Variants in DIAPH3 observed in about 807,000 individuals in gnomAD.
DIAPH3 encodes the protein diaphanous related formin 3, also known as protein diaphanous homolog 3.
Under a neutral mutation model 144.3 loss-of-function variants are expected in DIAPH3, and 117 were observed. The observed-to-expected ratio is 0.81, with a 90% CI of 0.70 to 0.95. The LOEUF is 0.95. Among genes scored for constraint, DIAPH3 ranks in the 40% least tolerant of loss-of-function variants. The pLI, the probability that DIAPH3 is intolerant of heterozygous loss-of-function variation, is 0.00. For synonymous variants in DIAPH3, 519 were observed against 488.9 expected (o/e 1.06, Z -0.81); for missense variants, 1,421 against 1,412.7 (o/e 1.01, Z -0.09).
chr13:59,907,686 A>T (rs1193692113), intron 20 of DIAPH3, among the ~76,000 whole-genome samples: 1 of 152,226 alleles, frequency 6.6e-6, no homozygotes, highest in African/African-American at 2.4e-5. Flanking sequence ...AAATGAGTGC[A>T]TGTCCAGTGA....
chr13:60,084,479 T>TA (rs796614353), intron 4 of DIAPH3, among the ~76,000 whole-genome samples: 7 of 150,362 alleles, frequency 4.7e-5, no homozygotes, highest in African/African-American at 7.4e-5. Flanking sequence ...TAAATAAAAA[T>TA]AAAAAAAAGA....
At chr13:60,045,026 A>C (rs1047443267) in intron 4 of DIAPH3, among the ~76,000 whole-genome samples, 6 of 152,190 alleles carry the variant, frequency 3.9e-5, no homozygotes, top group African/African-American at 9.6e-5. Context: ...CTGTGAGTAC[A>C]TTAAACCTTT....
At chr13:59,713,658 C>T (rs1175518559) in intron 27 of DIAPH3, among the ~76,000 whole-genome samples, 2 of 151,640 alleles carry the variant, frequency 1.3e-5, no homozygotes, top group Admixed American at 1.3e-4. Flanking sequence ...AGGTAAGAAG[C>T]TTTTTTGATG....
chr13:59,813,441 G>C (rs935368887), intron 24 of DIAPH3, among the ~76,000 whole-genome samples: 1 of 151,990 alleles, frequency 6.6e-6, no homozygotes, highest in Non-Finnish European at 1.5e-5. Context: ...AATAAAAGTA[G>C]TAAGAGGCAG....
At chr13:59,850,106 T>C (rs1405125493) in intron 22 of DIAPH3, among the ~76,000 whole-genome samples, 1 of 151,418 alleles carries the variant, frequency 6.6e-6, no homozygotes, top group African/African-American at 2.4e-5. Context: ...CACTCATGAT[T>C]TGGCTCTCTG....
chr13:60,095,419 T>C (rs2058077287), intron 3 of DIAPH3, among the ~76,000 whole-genome samples: 1 of 151,980 alleles, frequency 6.6e-6, no homozygotes, highest in Admixed American at 6.5e-5. Context: ...CTTAGCTATA[T>C]GCAAATTAGG....
At chr13:59,729,701 C>T (rs971513998) in intron 27 of DIAPH3, among the ~76,000 whole-genome samples, 1 of 151,624 alleles carries the variant, frequency 6.6e-6, no homozygotes, top group African/African-American at 2.4e-5. Context: ...AATGTACCAA[C>T]ATCAATTTGC....
chr13:59,793,180 C>CA (rs1172743311), intron 25 of DIAPH3, among the ~76,000 whole-genome samples: 1 of 152,168 alleles, frequency 6.6e-6, no homozygotes, highest in Non-Finnish European at 1.5e-5. Flanking sequence ...CAATCTATCA[C>CA]AATGGCAGAG....
At chr13:59,936,544 T>TATCAC (rs1464419419) in intron 17 of DIAPH3, among the ~76,000 whole-genome samples, 8 of 152,184 alleles carry the variant, frequency 5.3e-5, no homozygotes, top group Non-Finnish European at 1.0e-4. Flanking sequence ...TCCTGAAAAG[T>TATCAC]TAAGCCTATC....
intron 27 of DIAPH3, among the ~76,000 whole-genome samples, chr13:59,771,808 A>G (rs1566286072): frequency 2.0e-5 from 3 of 152,168 alleles, no homozygotes; most frequent in South Asian, 4.1e-4. Flanking sequence ...TCTGATAGAA[A>G]TATTTGAGAA....
In DIAPH3 at chr13:59,782,137, GA is replaced by G. The variant is rs200761589; in HGVS notation, c.3164-7315del. Among the ~76,000 whole-genome samples the G allele has an allele frequency of 3.3e-5, 5 of 149,256 alleles. No homozygotes were observed. The South Asian group carries it at 6.4e-4, about 19-fold the overall frequency. ...AAGGAATACTGAAATTTGGGGTAAA[GA>G]AAAAAAAACTTAAAAATTAAAAGAA... On this transcript the variant is annotated intron_variant, in intron 25 of 27. Coordinates refer to ENST00000400324, the MANE Select transcript of DIAPH3 (RefSeq NM_001042517.2).
At chr13:59,979,906 A>G (rs339537) in intron 14 of DIAPH3, among the ~76,000 whole-genome samples, 84,254 of 151,418 alleles carry the variant, frequency 0.56, 23,987 homozygotes, top group Admixed American at 0.61. Context: ...CAGATTGACT[A>G]TTTAAAATGC....
chr13:59,820,753 CATTAAATACTATTTAGTGTTATAATAGT>C (rs1346871653), intron 24 of DIAPH3, among the ~76,000 whole-genome samples: 3 of 149,204 alleles, frequency 2.0e-5, no homozygotes, highest in Admixed American at 1.3e-4. Flanking sequence ...AAAATGATAG[CATTAAATACTATTTAGTGTTATAATAGT>C]ATTAAATACT....
intron 4 of DIAPH3, among the ~76,000 whole-genome samples, chr13:60,075,595 A>G (rs561046001): frequency 2.0e-5 from 3 of 152,332 alleles, no homozygotes; most frequent in East Asian, 1.9e-4. Flanking sequence ...CAAGAGACAG[A>G]AAATATTAAA....
At chr13:60,114,599 C>A (rs1379299175) in intron 2 of DIAPH3, among the ~76,000 whole-genome samples, 1 of 151,242 alleles carries the variant, frequency 6.6e-6, no homozygotes, top group Non-Finnish European at 1.5e-5. Flanking sequence ...TAACTCAATT[C>A]ACAGATCCAA....
chr13:59,818,624 A>C (rs1387284467), intron 24 of DIAPH3, among the ~76,000 whole-genome samples: 1 of 151,748 alleles, frequency 6.6e-6, no homozygotes, highest in Non-Finnish European at 1.5e-5. Context: ...CATTTTGAAT[A>C]TTGTCTTTCA....
At chr13:60,056,489 G>A (rs1183129957) in intron 4 of DIAPH3, among the ~76,000 whole-genome samples, 2 of 151,712 alleles carry the variant, frequency 1.3e-5, no homozygotes, top group Non-Finnish European at 3.0e-5. Context: ...ATATGTACTT[G>A]TGTATTTTTA....
chr13:59,709,266 G>A (rs997451917), intron 27 of DIAPH3, among the ~76,000 whole-genome samples: 3 of 151,980 alleles, frequency 2.0e-5, no homozygotes, highest in African/African-American at 4.8e-5. Context: ...AGATAGAAAA[G>A]GGCTAAAAAG....
At chr13:59,998,664 G>A (rs924234735) in intron 9 of DIAPH3, among the ~76,000 whole-genome samples, 1 of 152,108 alleles carries the variant, frequency 6.6e-6, no homozygotes, top group African/African-American at 2.4e-5. Context: ...GATAATATGA[G>A]TTCACATTAG....
Sources: allele counts gnomAD v4.1 joint callset (sites outside exome capture counted in the v4.1 genomes callset), GRCh38; gene constraint gnomAD v4.1.1; transcripts MANE v1.5; gene names NCBI Gene and HGNC (gene_info 2026-07-23, HGNC 2026-07-21).